The following TMEM8B variants were observed in gnomAD, a reference collection of about 807,000 sequenced individuals.
TMEM8B encodes the protein transmembrane protein 8B, also known as nasopharyngeal carcinoma expressed 6.
A neutral mutation model predicts 49.3 loss-of-function variants in TMEM8B; 29 were observed. The observed-to-expected ratio is 0.59, with a 90% CI of 0.44 to 0.80. TMEM8B has a LOEUF of 0.80. Ranked by LOEUF, TMEM8B falls within the 30% of genes least tolerant of loss-of-function variation. The probability of loss-of-function intolerance (pLI) is 0.00; values close to 1 mark genes in which losing one functional copy is unlikely to be tolerated. For missense variants in TMEM8B, 575 were observed against 658.5 expected (o/e 0.87, Z 1.39); for synonymous variants, 264 against 272.8 (o/e 0.97, Z 0.32).
At position 35,853,955 on chromosome 9, in the gene TMEM8B, T is replaced by A. The variant is rs1832393044; in HGVS notation, c.*115T>A. 2.9e-6 allele frequency: 4 copies of A among 1,392,856 alleles called. No individual in the cohort carries two copies. The highest frequency in any genetic ancestry group is 3.7e-6 in the Non-Finnish European group (4 of 1,077,376). The allele number at this position is 1,392,856 out of a possible 1,614,324, so 86.3% of individuals were successfully genotyped here. On this transcript the variant is annotated 3_prime_UTR_variant, in exon 13 of 13. Coordinates refer to ENST00000643932, the MANE Select transcript of TMEM8B (RefSeq NM_001042590.4). The surrounding 1 kb of genome is among the most constrained non-coding windows in gnomAD (Gnocchi z 4.2). ...GTATTTCTTGAGGACATGGAGTCTT[T>A]CTCAAGGACACAAAACTCTTCCAGG...
rs75245776 is a variant in TMEM8B, at chr9:35,837,500, G to A, written c.906+2282G>A. 1.8e-4 allele frequency among the ~76,000 whole-genome samples: 27 copies of A among 152,210 alleles called. No individual in the cohort carries two copies. In the East Asian group the frequency reaches 5.0e-3, roughly 28 times the overall value. Reference sequence around the variant, plus strand: ...GAAGGAACTGAAGTGGCTCAGTGTGGGCTGGTGTTGGGGTGGTGAGGAAGG... The same window carrying A: ...GAAGGAACTGAAGTGGCTCAGTGTGAGCTGGTGTTGGGGTGGTGAGGAAGG... On this transcript the variant is annotated intron_variant, in intron 3 of 12. Transcript: ENST00000643932.
rs2132424441 is a variant in TMEM8B at position 35,857,773 on chromosome 9, T to A, written c.*3933T>A. The stretch of plus-strand genomic sequence containing the variant: ...TCTGTGCAAAACTGTTACTTCTGCA[T>A]TTGGTGTTGGGCCTGAAGCTGTTAC... On this transcript the variant is annotated 3_prime_UTR_variant, in exon 13 of 13. Coordinates refer to ENST00000643932, the MANE Select transcript of TMEM8B (RefSeq NM_001042590.4). 1 of 152,312 alleles carries A rather than the reference T, an allele frequency of 6.6e-6. No homozygotes were observed. The highest frequency in any genetic ancestry group is 2.4e-5 in the African/African-American group (1 of 41,560). 9.4% of individuals were successfully genotyped at this position (152,312 alleles called of 1,614,324 possible).
At chr9:35,845,901 GGT>G in intron 6 of TMEM8B, 72 bp from the exon 7 acceptor site, 1 of 1,608,160 alleles carries the variant, frequency 6.2e-7, no homozygotes, top group Non-Finnish European at 8.5e-7. Context: ...GGTTAACAGG[GGT>G]GGGAGTCTGA....
intron 10 of TMEM8B, among the ~76,000 whole-genome samples, chr9:35,850,255 A>C (rs1423613265): frequency 6.6e-6 from 1 of 152,254 alleles, no homozygotes; most frequent in Non-Finnish European, 1.5e-5. Context: ...TTCCACAGAA[A>C]AAAAACCTTG....
Position 35,841,047 on chromosome 9 carries a change from C to A in TMEM8B, c.907-87C>A, listed in dbSNP as rs980861144. The stretch of plus-strand genomic sequence containing the variant: ...TGGTGGCCGGGGCGGGGGTTTCTCC[C>A]CAGCCCGCCCAGCAGGTTCTGTTTG... On this transcript the variant is annotated intron_variant, in intron 3 of 12. Transcript: ENST00000643932. This position sits in a 1 kb window ranked among gnomAD's most constrained non-coding sequence, Gnocchi z 5.9. The A allele has an allele frequency of 4.8e-6, 2 of 412,402 alleles. No individual in the cohort carries two copies. The highest frequency in any genetic ancestry group is 4.1e-5 in the African/African-American group (2 of 48,570). 25.5% of individuals were successfully genotyped at this position (412,402 alleles called of 1,614,324 possible).
intron 1 of TMEM8B, among the ~76,000 whole-genome samples, chr9:35,830,655 G>T (rs1025277294): frequency 1.3e-5 from 2 of 151,150 alleles, no homozygotes; most frequent in Non-Finnish European, 3.0e-5. Context: ...ATACTAGTGT[G>T]TTTTTTTTTA....
At position 35,857,076 on chromosome 9, in the gene TMEM8B, T is replaced by A. The variant is rs1832564291; in HGVS notation, c.*3236T>A. On this transcript the variant is annotated 3_prime_UTR_variant, in exon 13 of 13. Coordinates refer to ENST00000643932, the MANE Select transcript of TMEM8B (RefSeq NM_001042590.4). ...AGATATTGCTGTACCCTTGCATGTA[T>A]CTGTACATACGACTGGACTGAGACC... is the stretch of plus-strand genomic sequence containing the variant. The A allele has an allele frequency of 6.6e-6, 1 of 152,246 alleles. No individual in the cohort carries two copies. The highest frequency in any genetic ancestry group is 6.5e-5 in the Admixed American group (1 of 15,288). 9.4% of individuals were successfully genotyped at this position (152,246 alleles called of 1,614,324 possible). A position where few individuals can be genotyped will look rare whatever the true frequency, so the allele number is the denominator to read the frequency against.
intron 10 of TMEM8B, among the ~76,000 whole-genome samples, chr9:35,849,600 C>G (rs886617217): frequency 2.6e-5 from 4 of 152,136 alleles, no homozygotes; most frequent in South Asian, 2.1e-4. Flanking sequence ...TCTGGGTGAG[C>G]CTGACTCCAG....
chr9:35,843,330 G>A (rs2132313218), intron 6 of TMEM8B, among the ~76,000 whole-genome samples: 1 of 152,252 alleles, frequency 6.6e-6, no homozygotes, highest in East Asian at 1.9e-4. Context: ...ACATTAGTAT[G>A]ATATATTTAT....
In TMEM8B at chr9:35,853,314, C is replaced by T. The variant is rs571937965; in HGVS notation, c.2439+57C>T. The T allele has an allele frequency of 5.3e-6, 8 of 1,515,274 alleles. No individual in the cohort carries two copies. Among genetic ancestry groups the T allele is most frequent in the Admixed American group, 1.7e-5 (1 of 58,992 alleles). 93.9% of individuals were successfully genotyped at this position (1,515,274 alleles called of 1,614,324 possible). On this transcript the variant is annotated intron_variant, in intron 12 of 12. Coordinates refer to ENST00000643932, the MANE Select transcript of TMEM8B (RefSeq NM_001042590.4). This position sits in a 1 kb window ranked among gnomAD's most constrained non-coding sequence, Gnocchi z 4.2. ...CCCAGCAGGACTTGGGTGCTGGGCC[C>T]CAGGTATCTGGTCCCCAGTTTAAGG...
At position 35,846,346 on chromosome 9, in the gene TMEM8B, C is replaced by T. The variant is rs145276064; in HGVS notation, c.1818C>T (p.Phe606=). 241 of 1,614,060 alleles carry T rather than the reference C, an allele frequency of 1.5e-4. No homozygotes were observed. In the African/African-American group the frequency reaches 2.8e-3, roughly 19 times the overall value. ...RIPFPQTGTW[F]LALRSLCGVG... The stretch of plus-strand genomic sequence containing the variant: ...CATTCCCGCAGACGGGGACCTGGTT[C>T]CTGGCCCTCCGCTCCCTGTGCGGGG... The change falls in exon 8 of 13, where the codon TTC becomes TTT. Residue 606 remains phenylalanine (F), a synonymous_variant. Transcript: ENST00000643932.
In TMEM8B at chr9:35,846,806, C is replaced by T. The variant is rs1430986676; in HGVS notation, c.1997-11C>T. 1.2e-6 allele frequency: 2 copies of T among 1,608,316 alleles called. No homozygotes were observed. The highest frequency in any genetic ancestry group is 8.5e-7 in the Non-Finnish European group (1 of 1,177,094). On this transcript the variant is annotated splice_polypyrimidine_tract_variant and intron_variant, in intron 9 of 12. Coordinates refer to ENST00000643932, the MANE Select transcript of TMEM8B (RefSeq NM_001042590.4). ...CTGTTCTCTTCCATTCTGTGCCTTC[C>T]CCACCCGCAGGGTGGAGAGGCTGGG...
intron 10 of TMEM8B, among the ~76,000 whole-genome samples, chr9:35,847,644 A>G (rs1168976688): frequency 1.3e-5 from 2 of 152,212 alleles, no homozygotes; most frequent in Non-Finnish European, 2.9e-5. Flanking sequence ...TACAGACTCA[A>G]CTATGTCCTG....
rs541593288 is a variant in TMEM8B at position 35,850,321 on chromosome 9, C to T, written c.2176-2506C>T. Among the ~76,000 whole-genome samples, 12 of 152,312 alleles carry T rather than the reference C, an allele frequency of 7.9e-5. No homozygotes were observed. The South Asian group carries it at 2.5e-3, about 32-fold the overall frequency. On this transcript the variant is annotated intron_variant, in intron 10 of 12. Coordinates refer to ENST00000643932, the MANE Select transcript of TMEM8B (RefSeq NM_001042590.4). ...TAATGGCCAAAGCTGAGAAAGTTAT[C>T]AACTTAGATTAGAATTATATTAATA... is the stretch of plus-strand genomic sequence containing the variant.
At chr9:35,847,242 C>G in intron 10 of TMEM8B, 3 of 1,183,032 alleles carry the variant, frequency 2.5e-6, no homozygotes, top group Non-Finnish European at 3.7e-6. Flanking sequence ...TCCAGCTGTT[C>G]CACACTCTGT....
Position 35,853,447 on chromosome 9 carries a change from C to T in TMEM8B, c.2440-58C>T. Reference sequence around the variant, plus strand: ...ACAGAGGAAACCTGAGAGTGACCAGCTCTGGCTTGGGTTCCAGGGCTTGGC... The same window carrying T: ...ACAGAGGAAACCTGAGAGTGACCAGTTCTGGCTTGGGTTCCAGGGCTTGGC... On this transcript the variant is annotated intron_variant, in intron 12 of 12. Coordinates refer to ENST00000643932, the MANE Select transcript of TMEM8B (RefSeq NM_001042590.4). This position sits in a 1 kb window ranked among gnomAD's most constrained non-coding sequence, Gnocchi z 4.2. 1 of 1,567,050 alleles carries T rather than the reference C, an allele frequency of 6.4e-7. No individual in the cohort carries two copies. Among genetic ancestry groups the T allele is most frequent in the Non-Finnish European group, 8.6e-7 (1 of 1,159,272 alleles).
Position 35,853,722 on chromosome 9 carries a change from G to A in TMEM8B, c.2657G>A (p.Gly886Glu). The A allele has an allele frequency of 6.2e-7, 1 of 1,614,092 alleles. No homozygotes were observed. Among genetic ancestry groups the A allele is most frequent in the African/African-American group, 1.3e-5 (1 of 75,052 alleles). The change falls in exon 13 of 13, where the codon GGG becomes GAG. Residue 886 changes from glycine to glutamate, a missense_variant. By Grantham distance (98) the Gly-to-Glu change is moderately conservative (BLOSUM62 -2). Coordinates refer to ENST00000643932, the MANE Select transcript of TMEM8B (RefSeq NM_001042590.4). This position sits in a 1 kb window ranked among gnomAD's most constrained non-coding sequence, Gnocchi z 4.2. ...CCCCCTCGTGCCAAGACTGACCACG[G>A]GGTCCCATCTGGAGCCCGGGCCCGG... ...LLPPRAKTDH[G>E]VPSGARARGC...
At chr9:35,831,948 A>G (rs972002744) in intron 1 of TMEM8B, among the ~76,000 whole-genome samples, 2 of 152,128 alleles carry the variant, frequency 1.3e-5, no homozygotes, top group African/African-American at 4.8e-5. Context: ...TAGGACCATC[A>G]TGGCACAGGG....
intron 9 of TMEM8B, 71 bp downstream of exon 9, chr9:35,846,682 C>T: frequency 6.4e-7 from 1 of 1,552,936 alleles, no homozygotes; most frequent in Non-Finnish European, 8.7e-7. Context: ...GGGCAGGCGG[C>T]GGGAGTAGGG....
Sources: allele counts gnomAD v4.1 joint callset (sites outside exome capture counted in the v4.1 genomes callset), GRCh38; gene constraint gnomAD v4.1.1; non-coding constraint Gnocchi (gnomAD v3.1); transcripts MANE v1.5; gene names NCBI Gene and HGNC (gene_info 2026-07-23, HGNC 2026-07-21).